Variants in CEP85L observed in about 807,000 individuals in gnomAD.
CEP85L encodes the protein centrosomal protein of 85 kDa-like.
In CEP85L, 60 loss-of-function variants were observed where a neutral mutation model predicts 100.3. The ratio of observed to expected loss-of-function variants is 0.60; its 90% CI spans 0.49 to 0.74. The LOEUF is 0.74. CEP85L is among the 30% of genes least tolerant of loss of function. The pLI is 0.00. For synonymous variants in CEP85L, 319 were observed against 322.7 expected (o/e 0.99, Z 0.12); for missense variants, 973 against 936.2 (o/e 1.04, Z -0.51).
rs188725171 is a variant in CEP85L at position 118,604,291 on chromosome 6, C to T, written c.232+28162G>A. 1.8e-4 allele frequency among the ~76,000 whole-genome samples: 27 copies of T among 152,236 alleles called. No individual in the cohort carries two copies. The East Asian group carries it at 5.0e-3, about 28-fold the overall frequency. ...GAGCAGATTAGTGCTCTAAGAAAAACCTGTTGTGCTTTTATTCCAATGTTT... is the reference window on the plus strand; with the variant it reads ...GAGCAGATTAGTGCTCTAAGAAAAATCTGTTGTGCTTTTATTCCAATGTTT... On this transcript the variant is annotated intron_variant, in intron 2 of 12. Transcript: ENST00000368491.
At chr6:118,628,613 C>A (rs1041670179) in intron 2 of CEP85L, among the ~76,000 whole-genome samples, 3 of 149,342 alleles carry the variant, frequency 2.0e-5, no homozygotes, top group African/African-American at 4.9e-5. Flanking sequence ...CTAGCCTGGG[C>A]AACAGAGCAA....
At chr6:118,631,422 A>G (rs73528786) in intron 2 of CEP85L, among the ~76,000 whole-genome samples, 1,930 of 152,296 alleles carry the variant, frequency 0.013, 52 homozygotes, top group African/African-American at 0.044. Context: ...GTTTCTTTAA[A>G]ATCTAAATAT....
chr6:118,603,531 G>C (rs1336567785), intron 2 of CEP85L, among the ~76,000 whole-genome samples: 1 of 152,198 alleles, frequency 6.6e-6, no homozygotes, highest in Non-Finnish European at 1.5e-5. Context: ...AAATCAGGTA[G>C]AGAGAAATAA....
intron 2 of CEP85L, among the ~76,000 whole-genome samples, chr6:118,631,166 A>T (rs1774121688): frequency 6.6e-6 from 1 of 152,180 alleles, no homozygotes; most frequent in Admixed American, 6.5e-5. Context: ...ATGTGTGGGG[A>T]CAAGAGATAT....
At chr6:118,703,383 C>A (rs1018925281) in intron 1 of CEP85L, among the ~76,000 whole-genome samples, 25 of 152,170 alleles carry the variant, frequency 1.6e-4, no homozygotes, top group African/African-American at 5.1e-4. Context: ...TGTTATTCAA[C>A]CATACTTAAT....
At chr6:118,695,928 A>G (rs1435112696) in intron 1 of CEP85L, among the ~76,000 whole-genome samples, 1 of 152,172 alleles carries the variant, frequency 6.6e-6, no homozygotes, top group African/African-American at 2.4e-5. Flanking sequence ...CCCCCTTTGT[A>G]AGAGGTATTT....
chr6:118,611,894 T>C (rs535242649), intron 2 of CEP85L, among the ~76,000 whole-genome samples: 101 of 130,086 alleles, frequency 7.8e-4, no homozygotes, highest in African/African-American at 2.5e-3. Flanking sequence ...TCTATAATTA[T>C]ATTTGTAGAC....
chr6:118,471,014 A>G (rs1392901522), intron 10 of CEP85L, among the ~76,000 whole-genome samples: 4 of 152,070 alleles, frequency 2.6e-5, no homozygotes, highest in Non-Finnish European at 5.9e-5. Context: ...CAACAAATCT[A>G]TATTTTTGTT....
At chr6:118,555,987 T>C (rs938177629) in intron 3 of CEP85L, among the ~76,000 whole-genome samples, 7 of 152,242 alleles carry the variant, frequency 4.6e-5, no homozygotes, top group African/African-American at 1.2e-4. Flanking sequence ...GATATCATTC[T>C]TTTTTATGGC....
At chr6:118,590,903 C>T (rs956570742) in intron 2 of CEP85L, among the ~76,000 whole-genome samples, 2 of 152,058 alleles carry the variant, frequency 1.3e-5, no homozygotes, top group African/African-American at 4.8e-5. Flanking sequence ...TTTAAACCGG[C>T]GAGACAAAGG....
rs139051820 is a variant in CEP85L, at chr6:118,682,492, T to G, written c.-28+27544A>C. Among the ~76,000 whole-genome samples, 516 of 152,038 alleles carry G rather than the reference T, an allele frequency of 3.4e-3. 2 individuals are homozygous for G. The highest frequency in any genetic ancestry group is 0.011 in the African/African-American group (453 of 41,440). ...TGCTGCGATTCAGAAACACAGGCTGTCTACAGGTGAGACACAAGTTTCACC... is the reference window on the plus strand; with the variant it reads ...TGCTGCGATTCAGAAACACAGGCTGGCTACAGGTGAGACACAAGTTTCACC... On this transcript the variant is annotated intron_variant, in intron 1 of 13. Transcript: ENST00000368488.
intron 3 of CEP85L, among the ~76,000 whole-genome samples, chr6:118,554,863 G>A (rs1054871566): frequency 2.0e-5 from 3 of 152,152 alleles, no homozygotes; most frequent in African/African-American, 4.8e-5. Context: ...ATCACAAAAG[G>A]GAATGGAGTA....
At chr6:118,665,012 C>T (rs2115414137) in intron 1 of CEP85L, among the ~76,000 whole-genome samples, 1 of 152,280 alleles carries the variant, frequency 6.6e-6, no homozygotes, top group African/African-American at 2.4e-5. Context: ...ATCACACAAG[C>T]CTGCCTGTGC....
chr6:118,585,375 G>A, intron 2 of CEP85L, among the ~76,000 whole-genome samples: 1 of 152,208 alleles, frequency 6.6e-6, no homozygotes, highest in Non-Finnish European at 1.5e-5. Flanking sequence ...AGAAATAGCA[G>A]TGATGCATTG....
intron 2 of CEP85L, among the ~76,000 whole-genome samples, chr6:118,585,263 A>G (rs1005168842): frequency 2.0e-5 from 3 of 152,216 alleles, no homozygotes; most frequent in Non-Finnish European, 4.4e-5. Context: ...CTCCATGCTC[A>G]TGCTGCCATT....
intron 2 of CEP85L, among the ~76,000 whole-genome samples, chr6:118,594,283 G>C (rs1781348147): frequency 1.3e-5 from 2 of 152,054 alleles, no homozygotes; most frequent in Non-Finnish European, 2.9e-5. Flanking sequence ...ATGATAACTT[G>C]TTTCTTCCTT....
intron 3 of CEP85L, among the ~76,000 whole-genome samples, chr6:118,541,527 T>C (rs1055883811): frequency 3.3e-5 from 5 of 152,180 alleles, no homozygotes; most frequent in Non-Finnish European, 4.4e-5. Context: ...TTCTCAAGAA[T>C]GTATCTGCTG....
At chr6:118,622,786 G>A (rs1773536470) in intron 2 of CEP85L, among the ~76,000 whole-genome samples, 1 of 152,244 alleles carries the variant, frequency 6.6e-6, no homozygotes, top group African/African-American at 2.4e-5. Flanking sequence ...CAAGAAGGCG[G>A]CAGTCTTACA....
chr6:118,524,252 G>A (rs1427417728), intron 3 of CEP85L, among the ~76,000 whole-genome samples: 2 of 152,100 alleles, frequency 1.3e-5, no homozygotes, highest in Non-Finnish European at 2.9e-5. Context: ...CCACCATCCT[G>A]GCTAATACGG....
Sources: gnomAD v4.1 joint callset for allele counts (sites outside exome capture counted in the v4.1 genomes callset) on GRCh38, gnomAD v4.1.1 for gene constraint, MANE v1.5 for transcripts, NCBI Gene and HGNC (gene_info 2026-07-23, HGNC 2026-07-21) for gene names.